SLC39A8: variants seen among roughly 807,000 people sequenced by gnomAD.
The protein encoded by SLC39A8 is metal cation symporter ZIP8.
In SLC39A8, 15 loss-of-function variants were observed where a neutral mutation model predicts 40.4. That is an observed-to-expected ratio of 0.37 (90% CI 0.25 to 0.57). The LOEUF (loss-of-function observed/expected upper bound fraction) is 0.57. SLC39A8 is among the 20% of genes least tolerant of loss of function. The pLI is 0.75. For missense variants in SLC39A8, 472 were observed against 558.8 expected (o/e 0.84, Z 1.57); for synonymous variants, 223 against 221.6 (o/e 1.01, Z -0.06).
At chr4:102,327,778 G>A (rs540238326) in intron 2 of SLC39A8, among the ~76,000 whole-genome samples, 16 of 152,302 alleles carry the variant, frequency 1.1e-4, no homozygotes, top group African/African-American at 3.1e-4. Flanking sequence ...AGGAAAGAAG[G>A]TGAATGAAAG....
chr4:102,265,316 G>A (rs1473177766), intron 8 of SLC39A8, among the ~76,000 whole-genome samples: 1 of 104,022 alleles, frequency 9.6e-6, no homozygotes, highest in Non-Finnish European at 2.2e-5. Context: ...AAGGATGGCT[G>A]ATCAGGGGTG....
At chr4:102,320,397 T>TATATATATGAGA (rs1734893201) in intron 2 of SLC39A8, among the ~76,000 whole-genome samples, 1 of 118,382 alleles carries the variant, frequency 8.4e-6, no homozygotes, top group Non-Finnish European at 1.7e-5. Context: ...TATATGAGTA[T>TATATATATGAGA]ATATATATGA....
At chr4:102,253,367 G>A in exon 12 of SLC39A8, 1 of 710,356 alleles carries the variant, frequency 1.4e-6, no homozygotes, top group East Asian at 2.7e-5. Flanking sequence ...AATCACTGTT[G>A]AAGGTGCTGG....
intron 3 of SLC39A8, among the ~76,000 whole-genome samples, chr4:102,311,583 T>A (rs965056537): frequency 6.6e-6 from 1 of 152,120 alleles, no homozygotes; most frequent in African/African-American, 2.4e-5. Flanking sequence ...GAATTAAATA[T>A]GATTCTGCAA....
chr4:102,260,469 C>A (rs745604682), downstream of SLC39A8, among the ~76,000 whole-genome samples: 1 of 152,132 alleles, frequency 6.6e-6, no homozygotes, highest in Non-Finnish European at 1.5e-5. Flanking sequence ...GAACTTTTTG[C>A]CTTTCTACCC....
rs185802600 is a variant in SLC39A8, at chr4:102,331,064, T to C, written c.219+13380A>G. 2.1e-3 allele frequency among the ~76,000 whole-genome samples: 325 copies of C among 152,272 alleles called. 2 individuals are homozygous for C. Among genetic ancestry groups the C allele is most frequent in the African/African-American group, 7.2e-3 (301 of 41,562 alleles). ...CTGCTTATGACAAGCCCACAGCCAA[T>C]ATCATACTGAATGGGCAAAAGCTGG... On this transcript the variant is annotated intron_variant, in intron 2 of 8. Coordinates refer to ENST00000356736, the MANE Select transcript of SLC39A8 (RefSeq NM_001135146.2).
At chr4:102,301,448 C>T (rs897901303) in intron 6 of SLC39A8, among the ~76,000 whole-genome samples, 6 of 150,430 alleles carry the variant, frequency 4.0e-5, no homozygotes, top group African/African-American at 1.5e-4. Context: ...TCTCACATCA[C>T]CATGCTTTAG....
chr4:102,307,188 T>G (rs1473974223), intron 4 of SLC39A8, among the ~76,000 whole-genome samples: 1 of 152,084 alleles, frequency 6.6e-6, no homozygotes, highest in Non-Finnish European at 1.5e-5. Context: ...CCTTCTGAGG[T>G]GTCCCAGAGC....
chr4:102,289,689 T>C (rs193124299), intron 6 of SLC39A8, among the ~76,000 whole-genome samples: 30 of 152,190 alleles, frequency 2.0e-4, no homozygotes, highest in Middle Eastern at 3.4e-3. Flanking sequence ...AAGAATCCAG[T>C]AAAGGAAGTC....
In SLC39A8 at chr4:102,277,454, G is replaced by T. The variant is rs149746521; in HGVS notation, c.841-9375C>A. 8.8e-3 allele frequency among the ~76,000 whole-genome samples: 1,347 copies of T among 152,234 alleles called. 21 individuals are homozygous for T. The highest frequency in any genetic ancestry group is 0.031 in the African/African-American group (1,286 of 41,532). ...CAAGGGATGTGAAGGACCTCTTCAA[G>T]GAGAACTACAAACCACTGCTCAACA... On this transcript the variant is annotated intron_variant, in intron 6 of 8. Transcript: ENST00000356736.
In SLC39A8 at chr4:102,305,103, T is replaced by G; in HGVS notation, c.561A>C (p.Gly187=). 2 of 1,606,784 alleles carry G rather than the reference T, an allele frequency of 1.2e-6. No individual in the cohort carries two copies. The highest frequency in any genetic ancestry group is 1.7e-6 in the Non-Finnish European group (2 of 1,177,188). The change falls in exon 5 of 9, where the codon GGA becomes GGC. Residue 187 remains glycine (G), a synonymous_variant. Coordinates refer to ENST00000356736, the MANE Select transcript of SLC39A8 (RefSeq NM_001135146.2). ...AIFQLIPEAF[G]FDPKVDSYVE... is the part of the protein sequence containing the mutation. Reference sequence around the variant, plus strand: ...CATAACTGTCGACTTTGGGATCAAATCCAAATGCCTAAGGGAGAAAAAAGG... The same window carrying G: ...CATAACTGTCGACTTTGGGATCAAAGCCAAATGCCTAAGGGAGAAAAAAGG...
chr4:102,258,095 G>A (rs181457501), downstream of SLC39A8, among the ~76,000 whole-genome samples: 2 of 145,700 alleles, frequency 1.4e-5, no homozygotes, highest in East Asian at 3.9e-4. Context: ...TTGTAAGTAA[G>A]TGTTTTTTGT....
chr4:102,263,174 A>AT lies in SLC39A8; in HGVS notation c.1252dup (p.Met418AsnfsTer53). On this transcript the variant is annotated frameshift_variant, in exon 9 of 9. Coordinates refer to ENST00000356736, the MANE Select transcript of SLC39A8 (RefSeq NM_001135146.2). LOFTEE classifies it high-confidence loss of function. ...TCTTCCAGTTACCTTTTCTCTCAGCATATCATTCATCTCTGGAAACTAGAA... is the reference window on the plus strand; with the variant it reads ...TCTTCCAGTTACCTTTTCTCTCAGCATTATCATTCATCTCTGGAAACTAGAA... The AT allele has an allele frequency of 6.2e-7, 1 of 1,613,514 alleles. No individual in the cohort carries two copies. The highest frequency in any genetic ancestry group is 8.5e-7 in the Non-Finnish European group (1 of 1,179,630).
chr4:102,270,072 G>A (rs1732278130), intron 6 of SLC39A8, among the ~76,000 whole-genome samples: 1 of 152,150 alleles, frequency 6.6e-6, no homozygotes, highest in Non-Finnish European at 1.5e-5. Flanking sequence ...AAAACTTAAT[G>A]CCGTGATATA....
chr4:102,257,657 G>A (rs539664022), downstream of SLC39A8, among the ~76,000 whole-genome samples: 11 of 152,304 alleles, frequency 7.2e-5, no homozygotes, highest in South Asian at 8.3e-4. Context: ...AGGGTGGAGA[G>A]TGGATCCCCA....
chr4:102,311,761 T>A (rs1055509713), intron 3 of SLC39A8, among the ~76,000 whole-genome samples: 42 of 152,238 alleles, frequency 2.8e-4, no homozygotes, highest in African/African-American at 9.6e-4. Context: ...CTGAGAAATT[T>A]TACTGTCTAC....
At chr4:102,309,968 T>C (rs772489194) in intron 3 of SLC39A8, among the ~76,000 whole-genome samples, 2 of 152,028 alleles carry the variant, frequency 1.3e-5, no homozygotes, top group Non-Finnish European at 2.9e-5. Context: ...ATGACAGTTA[T>C]CGATCTGGTG....
chr4:102,291,588 T>C (rs1336910026), intron 6 of SLC39A8, among the ~76,000 whole-genome samples: 1 of 152,012 alleles, frequency 6.6e-6, no homozygotes, highest in African/African-American at 2.4e-5. Flanking sequence ...TATACTAGGG[T>C]CCACAGGGGT....
chr4:102,290,281 A>G (rs1234267564), intron 6 of SLC39A8, among the ~76,000 whole-genome samples: 2 of 152,178 alleles, frequency 1.3e-5, no homozygotes, highest in African/African-American at 4.8e-5. Flanking sequence ...TTAATAGACT[A>G]TAGTGTAGTG....
Sources: allele counts gnomAD v4.1 joint callset (sites outside exome capture counted in the v4.1 genomes callset), GRCh38; gene constraint gnomAD v4.1.1; transcripts MANE v1.5; gene names NCBI Gene and HGNC (gene_info 2026-07-23, HGNC 2026-07-21).